The following RORA variants were observed in gnomAD, a reference collection of about 807,000 sequenced individuals.
RORA encodes RAR related orphan receptor A.
In RORA, 7 loss-of-function variants were observed where a neutral mutation model predicts 69.5. The ratio of observed to expected loss-of-function variants is 0.10; its 90% CI spans 0.06 to 0.19. RORA has a LOEUF of 0.19. Ranked by LOEUF, RORA falls within the 10% of genes least tolerant of loss-of-function variation. The pLI is 1.00. For synonymous variants in RORA, 261 were observed against 240.8 expected (o/e 1.08, Z -0.78); for missense variants, 457 against 663.0 (o/e 0.69, Z 3.41).
intron 1 of RORA, among the ~76,000 whole-genome samples, chr15:61,158,296 GC>G (rs1230701149): frequency 3.3e-5 from 5 of 152,164 alleles, no homozygotes; most frequent in African/African-American, 1.2e-4. Context: ...AGACCTGACA[GC>G]CTTCTCCTCT....
At chr15:60,536,426 C>T (rs2066681114) in intron 2 of RORA, among the ~76,000 whole-genome samples, 1 of 152,188 alleles carries the variant, frequency 6.6e-6, no homozygotes, top group Non-Finnish European at 1.5e-5. Flanking sequence ...AGCTGCTTAT[C>T]CTCCAAATAA....
rs565806448 is a variant in RORA at position 60,494,018 on chromosome 15, C to A, written c.*3437G>T. The A allele has an allele frequency of 6.6e-6, 1 of 151,976 alleles. No individual in the cohort carries two copies. Among genetic ancestry groups the A allele is most frequent in the African/African-American group, 2.4e-5 (1 of 41,254 alleles). 9.4% of individuals were successfully genotyped at this position (151,976 alleles called of 1,614,324 possible). A position where few individuals can be genotyped will look rare whatever the true frequency, so the allele number is the denominator to read the frequency against. On this transcript the variant is annotated 3_prime_UTR_variant, in exon 11 of 11. Coordinates refer to ENST00000335670, the MANE Select transcript of RORA (RefSeq NM_134261.3). Reference sequence around the variant, plus strand: ...TCCTCACCTGACCCTCAGCCCACCCCCATACGCTCACAGATAACTGGGTAT... The same window carrying A: ...TCCTCACCTGACCCTCAGCCCACCCACATACGCTCACAGATAACTGGGTAT...
chr15:61,123,727 G>C (rs1000483234), intron 1 of RORA, among the ~76,000 whole-genome samples: 3 of 152,110 alleles, frequency 2.0e-5, no homozygotes, highest in African/African-American at 7.2e-5. Context: ...TAACATGCAG[G>C]CAAGTTTGAG....
At chr15:60,754,884 T>C (rs144726175) in intron 1 of RORA, among the ~76,000 whole-genome samples, 259 of 152,260 alleles carry the variant, frequency 1.7e-3, no homozygotes, top group African/African-American at 6.0e-3. Context: ...TTCCTTCTAA[T>C]GTCTGTGGAA....
intron 1 of RORA, among the ~76,000 whole-genome samples, chr15:61,027,860 A>G (rs73422436): frequency 0.017 from 2,528 of 152,284 alleles, 47 homozygotes; most frequent in African/African-American, 0.058. Flanking sequence ...GGCAATGTCT[A>G]TCTCCCAAGG....
intron 1 of RORA, among the ~76,000 whole-genome samples, chr15:60,696,865 T>G (rs897571665): frequency 6.6e-6 from 1 of 152,172 alleles, no homozygotes; most frequent in African/African-American, 2.4e-5. Flanking sequence ...AAAGACCTGG[T>G]TTTCCTAAAA....
intron 2 of RORA, among the ~76,000 whole-genome samples, chr15:60,543,215 G>A (rs2066956593): frequency 1.9e-5 from 2 of 106,720 alleles, no homozygotes; most frequent in African/African-American, 7.0e-5. Flanking sequence ...TTTTTTTTAA[G>A]GAAAAAGGAG....
Position 60,500,955 on chromosome 15 carries a change from T to A in RORA, c.1294+4A>T. On this transcript the variant is annotated splice_donor_region_variant and intron_variant, in intron 9 of 10. Coordinates refer to ENST00000335670, the MANE Select transcript of RORA (RefSeq NM_134261.3). ...CCATTTTTATTTTTATTTGGTTGTCTTACCTGCTGACATCAGTACAAATGC... is the reference window on the plus strand; with the variant it reads ...CCATTTTTATTTTTATTTGGTTGTCATACCTGCTGACATCAGTACAAATGC... 6.7e-7 allele frequency: 1 copy of A among 1,502,292 alleles called. No homozygotes were observed. The highest frequency in any genetic ancestry group is 9.2e-7 in the Non-Finnish European group (1 of 1,085,178). The allele number at this position is 1,502,292 out of a possible 1,614,324, so 93.1% of individuals were successfully genotyped here.
intron 8 of RORA, among the ~76,000 whole-genome samples, chr15:60,502,450 C>T (rs12594972): frequency 0.82 from 125,166 of 152,114 alleles, 52,858 homozygotes; most frequent in East Asian, 0.95. Flanking sequence ...AAAGGTCATC[C>T]GAATAATATA....
intron 1 of RORA, among the ~76,000 whole-genome samples, chr15:60,995,146 A>T (rs556456182): frequency 3.4e-4 from 52 of 152,318 alleles, no homozygotes; most frequent in African/African-American, 1.2e-3. Flanking sequence ...AGAATAGGGA[A>T]ATGAATAAGA....
intron 1 of RORA, among the ~76,000 whole-genome samples, chr15:61,069,644 C>T (rs144025212): frequency 4.6e-5 from 7 of 151,334 alleles, no homozygotes; most frequent in African/African-American, 1.5e-4. Context: ...GATTAATCCA[C>T]ATTGTGAAAA....
chr15:60,770,220 T>C (rs967597721), intron 1 of RORA, among the ~76,000 whole-genome samples: 4 of 152,358 alleles, frequency 2.6e-5, no homozygotes, highest in South Asian at 4.1e-4. Context: ...TATTCCTTTT[T>C]TTTTCTTGGA....
chr15:61,015,514 C>A (rs527812251), intron 1 of RORA, among the ~76,000 whole-genome samples: 1 of 152,110 alleles, frequency 6.6e-6, no homozygotes, highest in Non-Finnish European at 1.5e-5. Flanking sequence ...TGCTCACCTG[C>A]AATTTCTAAT....
At chr15:60,504,324 A>T (rs1041521748) in intron 6 of RORA, among the ~76,000 whole-genome samples, 2 of 151,224 alleles carry the variant, frequency 1.3e-5, no homozygotes, top group Non-Finnish European at 2.9e-5. Context: ...AGGCAGGGGG[A>T]TCACTTGAGG....
chr15:60,579,602 G>T (rs1408258959), intron 2 of RORA, among the ~76,000 whole-genome samples: 1 of 152,110 alleles, frequency 6.6e-6, no homozygotes, highest in Non-Finnish European at 1.5e-5. Context: ...GAAAACTATT[G>T]AACTACCATG....
At chr15:60,608,672 GTTTTTTATTTCTTCTTCAGAAGA>G (rs1172111040) in intron 2 of RORA, among the ~76,000 whole-genome samples, 6 of 152,170 alleles carry the variant, frequency 3.9e-5, no homozygotes, top group Admixed American at 3.9e-4. Context: ...ACAGGAGGCT[GTTTTTTATTTCTTCTTCAGAAGA>G]TTTTTTGTCA....
intron 2 of RORA, among the ~76,000 whole-genome samples, chr15:60,651,036 C>G (rs1236125571): frequency 6.6e-6 from 1 of 152,146 alleles, no homozygotes; most frequent in Non-Finnish European, 1.5e-5. Context: ...CTGACCACTC[C>G]CTTCCGTTAA....
intron 2 of RORA, among the ~76,000 whole-genome samples, chr15:60,654,951 A>G (rs954785576): frequency 2.0e-5 from 3 of 152,186 alleles, no homozygotes; most frequent in Non-Finnish European, 4.4e-5. Flanking sequence ...TTAAGAGAAT[A>G]GTTTTGCATT....
Position 61,045,562 on chromosome 15 carries a change from T to C in RORA, c.166+183491A>G, listed in dbSNP as rs180876901. Among the ~76,000 whole-genome samples the C allele has an allele frequency of 6.6e-5, 10 of 152,276 alleles. No homozygotes were observed. The East Asian group carries it at 9.7e-4, about 15-fold the overall frequency. On this transcript the variant is annotated intron_variant, in intron 1 of 10. Transcript: ENST00000335670. ...AGTACTCTGAGGCACCCAAGCTGCA[T>C]AGCACTGCTTGTGCTGGGATCACAA...
Sources: allele counts gnomAD v4.1 joint callset (sites outside exome capture counted in the v4.1 genomes callset), GRCh38; gene constraint gnomAD v4.1.1; transcripts MANE v1.5; gene names NCBI Gene and HGNC (gene_info 2026-07-23, HGNC 2026-07-21).